TRPV5: variants seen among roughly 807,000 people sequenced by gnomAD.
The protein encoded by TRPV5 is transient receptor potential cation channel subfamily V member 5.
TRPV5 carries 66 observed loss-of-function variants against 74.1 expected under a neutral mutation model. That is an observed-to-expected ratio of 0.89 (90% CI 0.73 to 1.09). TRPV5 has a LOEUF of 1.09. TRPV5 is among the 50% of genes least tolerant of loss of function. TRPV5 has a pLI of 0.00. For missense variants in TRPV5, 936 were observed against 930.4 expected, an observed-to-expected ratio of 1.01 and a Z score of -0.08; for synonymous variants, 399 against 360.7, an observed-to-expected ratio of 1.11 and a Z score of -1.20.
chr7:142,909,526 C>T lies in TRPV5; in HGVS notation c.1859G>A (p.Gly620Glu), dbSNP rs768502190. Reference protein sequence around the residue: ...RCLWPRSGICGCEFGLGDRWF... With the variant: ...RCLWPRSGICECEFGLGDRWF... ...GCGGTCCCCCAGCCCGAATTCGCACCCACAGATCCCGGAGCGAGGCCACAG... is the reference window on the plus strand; with the variant it reads ...GCGGTCCCCCAGCCCGAATTCGCACTCACAGATCCCGGAGCGAGGCCACAG... Residue 620 changes from glycine (G) to glutamate (E), a missense_variant, in exon 14 of 15, where the codon GGG (glycine) becomes GAG (glutamate). Gly to Glu is a moderately conservative substitution (Grantham distance 98). Transcript: ENST00000265310. 2 of 1,614,112 alleles carry T rather than the reference C, an allele frequency of 1.2e-6. No individual in the cohort carries two copies. The highest frequency in any genetic ancestry group is 2.2e-5 in the South Asian group (2 of 91,078).
At chr7:142,911,958 C>A (rs1266051802) in intron 13 of TRPV5, among the ~76,000 whole-genome samples, 1 of 152,170 alleles carries the variant, frequency 6.6e-6, no homozygotes, top group Non-Finnish European at 1.5e-5. Flanking sequence ...TTCCTCCCAA[C>A]CTCTACCTGA....
intron 13 of TRPV5, among the ~76,000 whole-genome samples, chr7:142,910,703 T>A (rs1323429082): frequency 6.6e-6 from 1 of 152,232 alleles, no homozygotes; most frequent in Non-Finnish European, 1.5e-5. Context: ...GGACTTCCAG[T>A]CATTCTGTGC....
At chr7:142,926,393 T>C (rs756602854) in intron 7 of TRPV5, among the ~76,000 whole-genome samples, 2 of 152,016 alleles carry the variant, frequency 1.3e-5, no homozygotes, top group Non-Finnish European at 2.9e-5. Context: ...GAGGGGATGA[T>C]GGACGGGAGG....
chr7:142,930,067 C>T lies in TRPV5; in HGVS notation c.340G>A (p.Ala114Thr), dbSNP rs374536646. 6 of 1,613,938 alleles carry T rather than the reference C, an allele frequency of 3.7e-6. No homozygotes were observed. The highest frequency in any genetic ancestry group is 2.7e-5 in the African/African-American group (2 of 74,922). ...ELVFEPTTCE[A>T]FAGQTALHIA... ...CATGTAGGCTCCTTACCTGCAAAAGCCTCACATGTGGTGGGCTCAAAGACC... is the reference window on the plus strand; with the variant it reads ...CATGTAGGCTCCTTACCTGCAAAAGTCTCACATGTGGTGGGCTCAAAGACC... Residue 114 changes from alanine (A) to threonine (T), a missense_variant, in exon 3 of 15, where the codon GCT becomes ACT. By Grantham distance (58) the Ala-to-Thr change is moderately conservative. Transcript: ENST00000265310.
At chr7:142,921,516 C>T (rs1281019378) in intron 8 of TRPV5, among the ~76,000 whole-genome samples, 6 of 152,004 alleles carry the variant, frequency 3.9e-5, no homozygotes, top group Admixed American at 2.0e-4. Context: ...CTCCTGACCT[C>T]GTGATCCGCC....
In TRPV5 at chr7:142,924,337, C is replaced by CAT. The variant is rs1158518744; in HGVS notation, c.1122+1190_1122+1191dup. On this transcript the variant is annotated intron_variant, in intron 8 of 14. Coordinates refer to ENST00000265310, the MANE Select transcript of TRPV5 (RefSeq NM_019841.7). ...ACACACATATACATGTATATATATA[C>CAT]ATATATATATATATAGACATATACA... Among the ~76,000 whole-genome samples the CAT allele has an allele frequency of 8.6e-4, 9 of 10,458 alleles. 1 individual carries two copies. In the South Asian group the frequency reaches 0.015, roughly 17 times the overall value. The allele number at this position is 10,458 out of a possible 152,430, so 6.9% of individuals were successfully genotyped here.
chr7:142,933,412 C>T lies in TRPV5; in HGVS notation c.48G>A (p.Gln16=), dbSNP rs1486882337. 3 of 1,614,020 alleles carry T rather than the reference C, an allele frequency of 1.9e-6. No individual in the cohort carries two copies. In the Admixed American group the frequency reaches 5.0e-5, roughly 27 times the overall value. The change falls in exon 1 of 15, where the codon CAG becomes CAA. Residue 16 remains glutamine (Q), a synonymous_variant. Coordinates refer to ENST00000265310, the MANE Select transcript of TRPV5 (RefSeq NM_019841.7). ...PKAEGPGSQL[Q]KLLPSFLVRE... is the part of the protein sequence containing the mutation. ...TGACCAGAAAGGAGGGCAGAAGTTT[C>T]TGGAGTTGGCTCCCGGGCCCTTCTG...
In TRPV5 at chr7:142,908,117, A is replaced by G. The variant is rs1795637680; in HGVS notation, c.*397T>C. 4.9e-6 allele frequency: 1 copy of G among 204,486 alleles called. No individual in the cohort carries two copies. The highest frequency in any genetic ancestry group is 9.8e-6 in the Non-Finnish European group (1 of 101,556). 12.7% of individuals were successfully genotyped at this position (204,486 alleles called of 1,614,324 possible). A position where few individuals can be genotyped will look rare whatever the true frequency, so the allele number is the denominator to read the frequency against. ...GGAGGCTGGGAAAAAAAGAAGGGCC[A>G]CAACCTCTATGCCATGCCTGGCTCT... On this transcript the variant is annotated 3_prime_UTR_variant, in exon 15 of 15. Transcript: ENST00000265310.
chr7:142,915,378 T>C lies in TRPV5; in HGVS notation c.1215A>G (p.Pro405=). The C allele has an allele frequency of 1.2e-6, 2 of 1,607,348 alleles. No individual in the cohort carries two copies. Among genetic ancestry groups the C allele is most frequent in the Non-Finnish European group, 1.7e-6 (2 of 1,178,418 alleles). Residue 405 remains proline (P), a synonymous_variant, in exon 10 of 15, where the codon CCA becomes CCG. Coordinates refer to ENST00000265310, the MANE Select transcript of TRPV5 (RefSeq NM_019841.7). ...GAGAGGCACCAACCCTGAAGATGTC[T>C]GGAATCTGGGGAGAGGACGGCAAAG... ...GAVIILLLEI[P]DIFRVGASRY...
chr7:142,911,201 G>A (rs1166948942), intron 13 of TRPV5, among the ~76,000 whole-genome samples: 1 of 152,150 alleles, frequency 6.6e-6, no homozygotes, highest in Non-Finnish European at 1.5e-5. Context: ...GGGAGAGCTT[G>A]CCTTAGAAGA....
At position 142,908,276 on chromosome 7, in the gene TRPV5, T is replaced by C. The variant is rs1362978945; in HGVS notation, c.*238A>G. ...CATGTCTTTAGTTGCCAACCTCCTT[T>C]TTCCTGAGATGGGTGACTTGCAAGA... is the stretch of plus-strand genomic sequence containing the variant. On this transcript the variant is annotated 3_prime_UTR_variant, in exon 15 of 15. Transcript: ENST00000265310. 1.7e-6 allele frequency: 1 copy of C among 577,076 alleles called. No individual in the cohort carries two copies. The highest frequency in any genetic ancestry group is 1.9e-5 in the African/African-American group (1 of 53,566). The allele number at this position is 577,076 out of a possible 1,614,324, so 35.7% of individuals were successfully genotyped here.
chr7:142,914,736 G>A, intron 11 of TRPV5, 30 bp from the exon 12 acceptor site: 1 of 1,611,254 alleles, frequency 6.2e-7, no homozygotes, highest in Non-Finnish European at 8.5e-7. Context: ...GAAAGGGTGG[G>A]ATGATTCCTT....
chr7:142,908,464 C>G lies in TRPV5; in HGVS notation c.*50G>C. ...ATAGGCAGAGGTCTCCGTCTCTGTCCCCGCCCCCAGGCCAACCGGGAGTAA... is the reference window on the plus strand; with the variant it reads ...ATAGGCAGAGGTCTCCGTCTCTGTCGCCGCCCCCAGGCCAACCGGGAGTAA... On this transcript the variant is annotated 3_prime_UTR_variant, in exon 15 of 15. Coordinates refer to ENST00000265310, the MANE Select transcript of TRPV5 (RefSeq NM_019841.7). 6.3e-7 allele frequency: 1 copy of G among 1,597,308 alleles called. No homozygotes were observed. Among genetic ancestry groups the G allele is most frequent in the Non-Finnish European group, 8.6e-7 (1 of 1,168,218 alleles).
chr7:142,914,481 C>A (rs1008337607), intron 12 of TRPV5, among the ~76,000 whole-genome samples, 159 bp downstream of exon 12: 2 of 151,934 alleles, frequency 1.3e-5, no homozygotes, highest in African/African-American at 2.4e-5. Context: ...TATGGGTGTG[C>A]TTTTAGACTT....
At chr7:142,917,448 C>G (rs1405449133) in intron 8 of TRPV5, among the ~76,000 whole-genome samples, 1 of 152,108 alleles carries the variant, frequency 6.6e-6, no homozygotes, top group African/African-American at 2.4e-5. Context: ...AAAAGGACTA[C>G]ACATAAGTTG....
intron 12 of TRPV5, among the ~76,000 whole-genome samples, chr7:142,913,607 T>C (rs552544737): frequency 6.6e-6 from 1 of 152,292 alleles, no homozygotes; most frequent in African/African-American, 2.4e-5. Context: ...GGTGGAAAAC[T>C]CCAAACAGGC....
chr7:142,909,825 A>G (rs1795676908), intron 13 of TRPV5, among the ~76,000 whole-genome samples: 1 of 152,256 alleles, frequency 6.6e-6, no homozygotes, highest in South Asian at 2.1e-4. Context: ...TGAATAAAAT[A>G]GTTGCCCTTA....
At chr7:142,910,879 C>A (rs1028879022) in intron 13 of TRPV5, among the ~76,000 whole-genome samples, 3 of 152,164 alleles carry the variant, frequency 2.0e-5, no homozygotes, top group African/African-American at 7.2e-5. Flanking sequence ...CTGGGCTTCA[C>A]ACAGTTGTGC....
At position 142,925,545 on chromosome 7, in the gene TRPV5, T is replaced by C. The variant is rs769163158; in HGVS notation, c.1106A>G (p.Gln369Arg). The C allele has an allele frequency of 6.2e-7, 1 of 1,614,178 alleles. No individual in the cohort carries two copies. The highest frequency in any genetic ancestry group is 1.1e-5 in the South Asian group (1 of 91,088). ...GAGAATCACCTGTAGTAGTTTTTGC[T>C]GGAGGATGGTGATGTCTCGAGAATG... ...RTHSRDITIL[Q>R]QKLLQEAYET... Residue 369 changes from glutamine (Q) to arginine (R), a missense_variant, in exon 8 of 15, where the codon CAG becomes CGG. Gln to Arg is a conservative substitution (Grantham distance 43, BLOSUM62 1). Coordinates refer to ENST00000265310, the MANE Select transcript of TRPV5 (RefSeq NM_019841.7).
Sources: allele counts gnomAD v4.1 joint callset (sites outside exome capture counted in the v4.1 genomes callset), GRCh38; gene constraint gnomAD v4.1.1; transcripts MANE v1.5; gene names NCBI Gene and HGNC (gene_info 2026-07-23, HGNC 2026-07-21).